The following TTLL5 variants were observed in gnomAD, a reference collection of about 807,000 sequenced individuals.
TTLL5 encodes the protein tubulin tyrosine ligase like 5, also known as tubulin polyglutamylase TTLL5.
A neutral mutation model predicts 168.4 loss-of-function variants in TTLL5; 132 were observed. That is an observed-to-expected ratio of 0.78 (90% CI 0.68 to 0.91). TTLL5 has a LOEUF of 0.91. Among genes scored for constraint, TTLL5 ranks in the 40% least tolerant of loss-of-function variants. The probability of loss-of-function intolerance (pLI) is 0.00; values close to 1 mark genes in which losing one functional copy is unlikely to be tolerated. For synonymous variants in TTLL5, 546 were observed against 558.6 expected (o/e 0.98, Z 0.32); for missense variants, 1,545 against 1,581.5 (o/e 0.98, Z 0.39).
intron 6 of TTLL5, among the ~76,000 whole-genome samples, chr14:75,692,727 G>C (rs1594879921): frequency 6.6e-6 from 1 of 152,174 alleles, no homozygotes; most frequent in East Asian, 1.9e-4. Flanking sequence ...TAAGGTTTGA[G>C]TCTGAGTAGC....
chr14:75,932,234 C>G (rs950355730), intron 31 of TTLL5, among the ~76,000 whole-genome samples: 1 of 152,096 alleles, frequency 6.6e-6, no homozygotes, highest in Non-Finnish European at 1.5e-5. Context: ...TTCTGATATT[C>G]GGAGGCTATT....
chr14:75,872,123 G>A (rs912061824), intron 29 of TTLL5, among the ~76,000 whole-genome samples: 42 of 152,192 alleles, frequency 2.8e-4, no homozygotes, highest in Non-Finnish European at 5.1e-4. Context: ...TGGGGTCATG[G>A]CTGATCCTTT....
chr14:75,719,325 G>A (rs1361569378), intron 10 of TTLL5, among the ~76,000 whole-genome samples: 1 of 152,192 alleles, frequency 6.6e-6, no homozygotes, highest in Non-Finnish European at 1.5e-5. Context: ...TTCCAACTCA[G>A]TTCTGGTCTG....
At chr14:75,853,118 T>G (rs1463957288) in intron 28 of TTLL5, among the ~76,000 whole-genome samples, 2 of 152,346 alleles carry the variant, frequency 1.3e-5, no homozygotes, top group East Asian at 3.9e-4. Context: ...TGACTTTTAT[T>G]ATCAATATAT....
chr14:75,742,925 C>A (rs931187989), intron 15 of TTLL5, among the ~76,000 whole-genome samples: 1 of 152,074 alleles, frequency 6.6e-6, no homozygotes, highest in Non-Finnish European at 1.5e-5. Context: ...TCAACTTTCC[C>A]CTATAAACCC....
chr14:75,899,661 A>G (rs1346598420), intron 30 of TTLL5, among the ~76,000 whole-genome samples: 1 of 152,116 alleles, frequency 6.6e-6, no homozygotes, highest in Non-Finnish European at 1.5e-5. Flanking sequence ...AAGGCCTTTG[A>G]TGGGAGTTGA....
At chr14:75,873,861 A>G (rs1367732483) in intron 29 of TTLL5, among the ~76,000 whole-genome samples, 1 of 151,934 alleles carries the variant, frequency 6.6e-6, no homozygotes, top group Non-Finnish European at 1.5e-5. Context: ...TTTTACTTAA[A>G]CCTTCCGGGC....
At chr14:75,696,083 T>C (rs1007152887) in intron 6 of TTLL5, among the ~76,000 whole-genome samples, 10 of 151,908 alleles carry the variant, frequency 6.6e-5, no homozygotes, top group Admixed American at 4.6e-4. Context: ...ATAGAGACAG[T>C]CTCAGTAGGT....
chr14:75,861,138 G>A (rs188531508), intron 28 of TTLL5, among the ~76,000 whole-genome samples: 6 of 151,176 alleles, frequency 4.0e-5, no homozygotes, highest in African/African-American at 1.5e-4. Flanking sequence ...GCTTTTTGGT[G>A]TGTTCTCCAA....
chr14:75,755,391 C>T (rs929433771), intron 18 of TTLL5, among the ~76,000 whole-genome samples: 1 of 152,062 alleles, frequency 6.6e-6, no homozygotes, highest in East Asian at 1.9e-4. Context: ...AACTGATGGC[C>T]ATTTCTACTT....
intron 28 of TTLL5, among the ~76,000 whole-genome samples, chr14:75,821,834 G>A (rs1021836256): frequency 6.6e-6 from 1 of 152,134 alleles, no homozygotes; most frequent in Non-Finnish European, 1.5e-5. Context: ...CAGCCAAAAA[G>A]CAATCCCCAC....
chr14:75,882,351 A>T (rs1317124360), intron 29 of TTLL5, among the ~76,000 whole-genome samples: 1 of 152,206 alleles, frequency 6.6e-6, no homozygotes, highest in East Asian at 1.9e-4. Context: ...GACATTCATT[A>T]AAAAAGTGTT....
intron 2 of TTLL5, among the ~76,000 whole-genome samples, chr14:75,664,501 T>C (rs1403436957): frequency 6.6e-6 from 1 of 152,238 alleles, no homozygotes; most frequent in Non-Finnish European, 1.5e-5. Context: ...GAAATTACTT[T>C]GTAAGTGCTA....
At chr14:75,885,199 T>TA (rs112302133) in intron 30 of TTLL5, among the ~76,000 whole-genome samples, 125 of 101,638 alleles carry the variant, frequency 1.2e-3, no homozygotes, top group African/African-American at 4.4e-3. Context: ...TTAATTAAAA[T>TA]AAAAAAACTG....
chr14:75,693,147 T>C (rs1210933720), intron 6 of TTLL5, among the ~76,000 whole-genome samples: 1 of 152,110 alleles, frequency 6.6e-6, no homozygotes, highest in East Asian at 1.9e-4. Context: ...GAAGGCTAAG[T>C]TGATGACCCA....
intron 29 of TTLL5, among the ~76,000 whole-genome samples, chr14:75,877,619 T>C (rs2031566535): frequency 6.6e-6 from 1 of 152,250 alleles, no homozygotes; most frequent in South Asian, 2.1e-4. Context: ...TACACAGCTC[T>C]CTCATTCCCA....
At chr14:75,854,936 A>G (rs1897053604) in intron 28 of TTLL5, among the ~76,000 whole-genome samples, 1 of 151,980 alleles carries the variant, frequency 6.6e-6, no homozygotes, top group Admixed American at 6.6e-5. Context: ...TATTGCAGAT[A>G]TTTTTCCTCA....
At chr14:75,850,360 C>G (rs1287744529) in intron 28 of TTLL5, among the ~76,000 whole-genome samples, 2 of 139,376 alleles carry the variant, frequency 1.4e-5, no homozygotes, top group East Asian at 4.2e-4. Flanking sequence ...GAGCCAAGAT[C>G]ACGCCATTGC....
intron 28 of TTLL5, among the ~76,000 whole-genome samples, chr14:75,829,632 A>C (rs555454451): frequency 1.1e-4 from 17 of 152,130 alleles, no homozygotes; most frequent in African/African-American, 4.1e-4. Flanking sequence ...ATGAGTTCAC[A>C]ATTCAAAAAA....
Sources: allele counts gnomAD v4.1 joint callset (sites outside exome capture counted in the v4.1 genomes callset), GRCh38; gene constraint gnomAD v4.1.1; transcripts MANE v1.5; gene names NCBI Gene and HGNC (gene_info 2026-07-23, HGNC 2026-07-21).